DACH2: variants seen among roughly 807,000 people sequenced by gnomAD.
The protein encoded by DACH2 is dachshund family transcription factor 2.
Under a neutral mutation model 35.8 loss-of-function variants are expected in DACH2, and 17 were observed. That is an observed-to-expected ratio of 0.48 (90% CI 0.33 to 0.71). The LOEUF is 0.71. Among genes scored for constraint, DACH2 ranks in the 30% least tolerant of loss-of-function variants. The pLI is 0.02. For synonymous variants in DACH2, 195 were observed against 177.3 expected, an observed-to-expected ratio of 1.10 and a Z score of -0.79; for missense variants, 469 against 472.7, an observed-to-expected ratio of 0.99 and a Z score of 0.07.
intron 1 of DACH2, among the ~76,000 whole-genome samples, chrX:86,212,682 T>C (rs983319635): frequency 9.0e-6 from 1 of 111,507 alleles, no homozygotes; most frequent in Non-Finnish European, 1.9e-5. Context: ...ATTACCACTA[T>C]AAACTACATG....
At chrX:86,503,268 A>G in intron 2 of DACH2, among the ~76,000 whole-genome samples, 1 of 111,922 alleles carries the variant, frequency 8.9e-6, no homozygotes, top group Non-Finnish European at 1.9e-5. Context: ...CAGTAAAACT[A>G]CGGTTTTACA....
intron 3 of DACH2, among the ~76,000 whole-genome samples, chrX:86,571,451 C>T (rs954679379): frequency 9.1e-6 from 1 of 109,852 alleles, no homozygotes; most frequent in Non-Finnish European, 1.9e-5. Context: ...TCCCCGCTCC[C>T]CCCACCCCAC....
intron 7 of DACH2, chrX:86,798,989 T>G: frequency 4.4e-6 from 1 of 226,961 alleles, no homozygotes; most frequent in South Asian, 5.3e-5. Context: ...TGTCAGAATT[T>G]TTTTCCTACT....
intron 1 of DACH2, among the ~76,000 whole-genome samples, chrX:86,244,739 C>T (rs1448695024): frequency 8.9e-6 from 1 of 112,088 alleles, no homozygotes; most frequent in Admixed American, 9.5e-5. Flanking sequence ...CTGTTACTAC[C>T]TTAAATATTT....
At chrX:86,225,658 A>G (rs1569308306) in intron 1 of DACH2, among the ~76,000 whole-genome samples, 1 of 110,812 alleles carries the variant, frequency 9.0e-6, no homozygotes, top group Non-Finnish European at 1.9e-5. Flanking sequence ...GAGTGTTGGG[A>G]CCCATCTTGA....
intron 4 of DACH2, among the ~76,000 whole-genome samples, chrX:86,666,488 T>A (rs1305806216): frequency 1.8e-5 from 2 of 110,919 alleles, no homozygotes; most frequent in African/African-American, 6.6e-5. Context: ...AATAAGAGAG[T>A]GTATTTGACA....
chrX:86,511,330 A>G (rs2038393230), intron 2 of DACH2, among the ~76,000 whole-genome samples: 1 of 111,976 alleles, frequency 8.9e-6, no homozygotes. Flanking sequence ...TTGACTATAA[A>G]GCACTTTCAC....
intron 3 of DACH2, among the ~76,000 whole-genome samples, chrX:86,645,943 T>C (rs2040409921): frequency 9.0e-6 from 1 of 110,587 alleles, no homozygotes. Context: ...AAGATAACTA[T>C]TGAGTACTGT....
At chrX:86,550,262 A>G (rs989225666) in intron 3 of DACH2, among the ~76,000 whole-genome samples, 3 of 111,533 alleles carry the variant, frequency 2.7e-5, no homozygotes, top group Non-Finnish European at 5.7e-5. Flanking sequence ...ATAATTTTGA[A>G]TAGTTTTGTT....
chrX:86,717,231 C>G (rs1011692488), intron 6 of DACH2, among the ~76,000 whole-genome samples: 1 of 111,230 alleles, frequency 9.0e-6, no homozygotes, highest in African/African-American at 3.3e-5. Flanking sequence ...ATCATGCACC[C>G]TATTCCATCC....
chrX:86,762,615 G>A (rs758116168), intron 7 of DACH2, among the ~76,000 whole-genome samples: 25 of 111,143 alleles, frequency 2.2e-4, no homozygotes, highest in Non-Finnish European at 4.5e-4. Flanking sequence ...AGTAACAAAG[G>A]CACAATCTTT....
chrX:86,510,816 T>C (rs188501079), intron 2 of DACH2, among the ~76,000 whole-genome samples: 1 of 111,914 alleles, frequency 8.9e-6, no homozygotes, highest in African/African-American at 3.2e-5. Context: ...GGGAACTTTG[T>C]AAAAAGGCCT....
At chrX:86,737,186 T>A (rs989873278) in intron 6 of DACH2, among the ~76,000 whole-genome samples, 9 of 111,742 alleles carry the variant, frequency 8.1e-5, no homozygotes, top group Non-Finnish European at 1.5e-4. Context: ...ATATCATCCC[T>A]CCAAAATGTG....
intron 1 of DACH2, among the ~76,000 whole-genome samples, chrX:86,264,020 T>C (rs2033670218): frequency 8.9e-6 from 1 of 112,248 alleles, no homozygotes; most frequent in Non-Finnish European, 1.9e-5. Flanking sequence ...CAGTCATAGG[T>C]AGTTGAATAA....
chrX:86,184,159 C>A, intron 1 of DACH2: 1 of 147,712 alleles, frequency 6.8e-6, no homozygotes, highest in Non-Finnish European at 1.3e-5. Flanking sequence ...AAGGGTTTTT[C>A]ATGTTTCTAT....
At chrX:86,254,805 TATAG>T (rs1433481304) in intron 1 of DACH2, among the ~76,000 whole-genome samples, 20 of 60,777 alleles carry the variant, frequency 3.3e-4, no homozygotes, top group Admixed American at 8.7e-4. Context: ...TATATATATA[TATAG>T]AGAGAGAGAG....
intron 2 of DACH2, among the ~76,000 whole-genome samples, chrX:86,449,291 A>G (rs6623676): frequency 0.13 from 11,026 of 81,682 alleles, 780 homozygotes; most frequent in East Asian, 0.26. Flanking sequence ...TTGTGTCTCT[A>G]TTTCCTTCAG....
intron 2 of DACH2, among the ~76,000 whole-genome samples, chrX:86,478,768 C>T (rs779875862): frequency 1.8e-5 from 2 of 108,944 alleles, no homozygotes; most frequent in Non-Finnish European, 3.8e-5. Flanking sequence ...TTTTGGGCTT[C>T]GACCCATGGG....
At chrX:86,420,290 G>GA (rs1305670391) in intron 2 of DACH2, among the ~76,000 whole-genome samples, 1 of 112,022 alleles carries the variant, frequency 8.9e-6, no homozygotes, top group East Asian at 2.8e-4. Flanking sequence ...CTAGGTTCCT[G>GA]AAAAAGATAT....
Sources: gnomAD v4.1 joint callset for allele counts (sites outside exome capture counted in the v4.1 genomes callset) on GRCh38, gnomAD v4.1.1 for gene constraint, MANE v1.5 for transcripts, NCBI Gene and HGNC (gene_info 2026-07-23, HGNC 2026-07-21) for gene names.